PKHD1: variants seen among roughly 807,000 people sequenced by gnomAD.
The protein encoded by PKHD1 is fibrocystin.
A neutral mutation model predicts 412.0 loss-of-function variants in PKHD1; 291 were observed. The ratio of observed to expected loss-of-function variants is 0.71; its 90% CI spans 0.64 to 0.78. PKHD1 has a LOEUF of 0.78. Among genes scored for constraint, PKHD1 ranks in the 30% least tolerant of loss-of-function variants. The pLI is 0.00. For synonymous variants in PKHD1, 1,777 were observed against 1,821.5 expected (o/e 0.98, Z 0.62); for missense variants, 4,825 against 4,950.7 (o/e 0.97, Z 0.76).
At chr6:51,740,004 T>A (rs1398548199) in intron 60 of PKHD1, 1 of 518,994 alleles carries the variant, frequency 1.9e-6, no homozygotes, top group South Asian at 1.4e-5. Context: ...GACATTAATT[T>A]CAATGCTTTG....
intron 60 of PKHD1, among the ~76,000 whole-genome samples, chr6:51,710,605 T>A (rs1780541037): frequency 6.6e-6 from 1 of 152,154 alleles, no homozygotes; most frequent in African/African-American, 2.4e-5. Flanking sequence ...CCACCACTGT[T>A]CTGGGACCCA....
intron 14 of PKHD1, 122 bp from the exon 15 acceptor site, chr6:52,060,164 TGC>T: frequency 2.9e-6 from 2 of 693,786 alleles, no homozygotes; most frequent in Non-Finnish European, 5.3e-6. Context: ...CTGATTCTTA[TGC>T]CACACAATTG....
At chr6:51,845,233 C>A (rs1018156338) in intron 50 of PKHD1, among the ~76,000 whole-genome samples, 17 of 152,180 alleles carry the variant, frequency 1.1e-4, no homozygotes, top group Non-Finnish European at 2.4e-4. Context: ...ATAAACTTTA[C>A]ACAGATGATA....
intron 60 of PKHD1, among the ~76,000 whole-genome samples, chr6:51,671,896 T>C (rs1046345908): frequency 1.1e-4 from 17 of 152,162 alleles, no homozygotes; most frequent in African/African-American, 3.9e-4. Flanking sequence ...GAGGAGGTAG[T>C]CTGCCCGTTC....
chr6:51,880,897 C>T (rs1164184539), intron 46 of PKHD1, among the ~76,000 whole-genome samples: 2 of 146,932 alleles, frequency 1.4e-5, no homozygotes, highest in Non-Finnish European at 1.5e-5. Context: ...ACCCGGGAGG[C>T]GGAGCTTGCA....
chr6:51,747,976 A>C lies in PKHD1; in HGVS notation c.9640T>G (p.Cys3214Gly). ...VIVATSSSFD[C>G]IQDKVKPHSA... is the part of the protein sequence containing the mutation. ...TGCGGCTTCACTTTGTCCTGAATGC[A>C]GTCAAAAGAAGAGCTGGTGGCCACA... The change falls in exon 58 of 67, where the codon TGC becomes GGC. Residue 3214 changes from cysteine (C) to glycine (G), a missense_variant. Coordinates refer to ENST00000371117, the MANE Select transcript of PKHD1 (RefSeq NM_138694.4). The C allele has an allele frequency of 3.1e-6, 5 of 1,614,122 alleles. No homozygotes were observed. The highest frequency in any genetic ancestry group is 4.2e-6 in the Non-Finnish European group (5 of 1,179,992).
At chr6:51,792,414 T>C (rs1793900177) in intron 52 of PKHD1, among the ~76,000 whole-genome samples, 1 of 152,216 alleles carries the variant, frequency 6.6e-6, no homozygotes, top group Admixed American at 6.5e-5. Context: ...TTGCTCTTCT[T>C]AAGGACATGC....
At chr6:51,703,613 G>C (rs1243586815) in intron 60 of PKHD1, among the ~76,000 whole-genome samples, 1 of 151,976 alleles carries the variant, frequency 6.6e-6, no homozygotes, top group East Asian at 1.9e-4. Context: ...GTGCCATACA[G>C]TAGGCAATGA....
In PKHD1 at chr6:51,929,489, C is replaced by T. The variant is rs929579995; in HGVS notation, c.6121+4621G>A. On this transcript the variant is annotated intron_variant, in intron 37 of 66. Coordinates refer to ENST00000371117, the MANE Select transcript of PKHD1 (RefSeq NM_138694.4). ...TCCAATATTCATTGTTTAGGGAACC[C>T]CTAAATCCCCTCCAGGAAACATTTG... Among the ~76,000 whole-genome samples the T allele has an allele frequency of 2.1e-5, 3 of 142,770 alleles. No homozygotes were observed. In the Admixed American group the frequency reaches 2.3e-4, roughly 11 times the overall value. The allele number at this position is 142,770 out of a possible 152,430, so 93.7% of individuals were successfully genotyped here. A position where few individuals can be genotyped will look rare whatever the true frequency, so the allele number is the denominator to read the frequency against.
intron 6 of PKHD1, 59 bp from the exon 7 acceptor site, chr6:52,073,600 A>G (rs1810953091): frequency 2.0e-6 from 2 of 996,656 alleles, no homozygotes; most frequent in Non-Finnish European, 3.2e-6. Flanking sequence ...ATGTATAATA[A>G]AAAACCATGT....
chr6:51,838,118 T>C (rs1370592026), intron 50 of PKHD1, among the ~76,000 whole-genome samples: 3 of 152,180 alleles, frequency 2.0e-5, no homozygotes, highest in African/African-American at 7.2e-5. Context: ...TTCTCTAAAG[T>C]TCTAAAGTAC....
chr6:51,993,824 A>G (rs1797344612), intron 35 of PKHD1, among the ~76,000 whole-genome samples: 1 of 152,224 alleles, frequency 6.6e-6, no homozygotes, highest in Admixed American at 6.5e-5. Flanking sequence ...CCTTGGATGT[A>G]TAAGATGTTA....
chr6:51,653,780 G>A (rs139797167), intron 61 of PKHD1, among the ~76,000 whole-genome samples: 3 of 152,158 alleles, frequency 2.0e-5, no homozygotes, highest in Admixed American at 1.3e-4. Flanking sequence ...AGGGCACAAG[G>A]ACAATGAAAG....
intron 32 of PKHD1, among the ~76,000 whole-genome samples, chr6:52,023,570 C>T (rs975758176): frequency 6.6e-6 from 1 of 152,086 alleles, no homozygotes; most frequent in Non-Finnish European, 1.5e-5. Flanking sequence ...GATGCAATAA[C>T]TGTACATGTT....
intron 35 of PKHD1, among the ~76,000 whole-genome samples, chr6:51,994,549 T>C (rs1183252991): frequency 6.6e-6 from 1 of 152,088 alleles, no homozygotes; most frequent in African/African-American, 2.4e-5. Flanking sequence ...GGTTCTTTGG[T>C]TTTGTTTTTT....
intron 37 of PKHD1, among the ~76,000 whole-genome samples, chr6:51,931,056 T>G (rs1786494019): frequency 1.3e-5 from 2 of 152,216 alleles, no homozygotes. Context: ...TGTGTTTTTC[T>G]GATTTTTTAG....
At chr6:51,925,660 T>C (rs376121258) in intron 37 of PKHD1, among the ~76,000 whole-genome samples, 1 of 152,182 alleles carries the variant, frequency 6.6e-6, no homozygotes, top group South Asian at 2.1e-4. Flanking sequence ...GACTGAAGCA[T>C]AGGTTCTTCT....
chr6:52,062,488 G>A lies in PKHD1; in HGVS notation c.1118+31C>T, dbSNP rs200118129. On this transcript the variant is annotated intron_variant, in intron 14 of 66. Transcript: ENST00000371117. The stretch of plus-strand genomic sequence containing the variant: ...CACCTAGGTTAGCAAAGGTGCTTTT[G>A]ATGTGGGCTCCCACTTTTCCTACAA... 19 of 1,613,298 alleles carry A rather than the reference G, an allele frequency of 1.2e-5. No homozygotes were observed. The African/African-American group carries it at 2.1e-4, about 18-fold the overall frequency.
intron 60 of PKHD1, among the ~76,000 whole-genome samples, chr6:51,672,343 C>T (rs769815426): frequency 7.2e-5 from 11 of 152,128 alleles, no homozygotes; most frequent in Non-Finnish European, 1.6e-4. Flanking sequence ...TCACTCAACC[C>T]CACACCACTT....
Sources: allele counts gnomAD v4.1 joint callset (sites outside exome capture counted in the v4.1 genomes callset), GRCh38; gene constraint gnomAD v4.1.1; transcripts MANE v1.5; gene names NCBI Gene and HGNC (gene_info 2026-07-23, HGNC 2026-07-21).